Variants in JAK2 observed in about 807,000 individuals in gnomAD.
JAK2 encodes the protein tyrosine-protein kinase JAK2.
JAK2 carries 86 observed loss-of-function variants against 139.3 expected under a neutral mutation model. The observed-to-expected ratio is 0.62, with a 90% CI of 0.52 to 0.74. The LOEUF is 0.74. Ranked by LOEUF, JAK2 falls within the 30% of genes least tolerant of loss-of-function variation. The pLI, the probability that JAK2 is intolerant of heterozygous loss-of-function variation, is 0.00. For synonymous variants in JAK2, 490 were observed against 437.7 expected, an observed-to-expected ratio of 1.12 and a Z score of -1.49; for missense variants, 1,421 against 1,360.3, an observed-to-expected ratio of 1.04 and a Z score of -0.70.
intron 4 of JAK2, among the ~76,000 whole-genome samples, chr9:5,036,911 C>T (rs1360412675): frequency 1.3e-5 from 2 of 152,178 alleles, no homozygotes; most frequent in Non-Finnish European, 2.9e-5. Flanking sequence ...AAACTACCAT[C>T]AGAGTGAACA....
rs1586770688 is a variant in JAK2, at chr9:5,089,883, C to CTATT, written c.2761+22_2761+25dup. 7.0e-7 allele frequency: 1 copy of CTATT among 1,428,746 alleles called. No individual in the cohort carries two copies. 88.5% of individuals were successfully genotyped at this position (1,428,746 alleles called of 1,614,324 possible). The stretch of plus-strand genomic sequence containing the variant: ...GTGCTGGTAAGCTGCCCATTGAAAC[C>CTATT]TATTTTAAATTCAAGGTATGTGTTT... On this transcript the variant is annotated intron_variant, in intron 20 of 24. Transcript: ENST00000381652.
chr9:5,112,185 C>T (rs1822643190), intron 22 of JAK2: 1 of 270,394 alleles, frequency 3.7e-6, no homozygotes, highest in Non-Finnish European at 7.5e-6. Flanking sequence ...GGGCGCTGGC[C>T]TTGGGCTTCG....
chr9:5,054,980 T>C lies in JAK2; in HGVS notation c.936+96T>C. 2 of 846,076 alleles carry C rather than the reference T, an allele frequency of 2.4e-6. No homozygotes were observed. Among genetic ancestry groups the C allele is most frequent in the Non-Finnish European group, 1.8e-6 (1 of 559,488 alleles). 52.4% of individuals were successfully genotyped at this position (846,076 alleles called of 1,614,324 possible). On this transcript the variant is annotated intron_variant, in intron 7 of 24. Coordinates refer to ENST00000381652, the MANE Select transcript of JAK2 (RefSeq NM_004972.4). This position sits in a 1 kb window ranked among gnomAD's most constrained non-coding sequence, Gnocchi z 4.9. ...AATCATTTGCAACATGGTATTGCACTTCTCCCATTTGATAGAAGTGGAAGT... is the reference window on the plus strand; with the variant it reads ...AATCATTTGCAACATGGTATTGCACCTCTCCCATTTGATAGAAGTGGAAGT...
intron 6 of JAK2, among the ~76,000 whole-genome samples, chr9:5,052,514 TC>T (rs1817488281): frequency 6.6e-6 from 1 of 152,114 alleles, no homozygotes; most frequent in African/African-American, 2.4e-5. Flanking sequence ...ATCATAAATC[TC>T]ACCCATTTAA....
In JAK2 at chr9:5,113,525, G is replaced by A. The variant is rs145475793; in HGVS notation, c.3060-9479G>A. 5.7e-3 allele frequency: 866 copies of A among 153,024 alleles called. 13 individuals are homozygous for A. The highest frequency in any genetic ancestry group is 0.02 in the African/African-American group (827 of 41,000). The allele number at this position is 153,024 out of a possible 1,614,324, so 9.5% of individuals were successfully genotyped here. A position where few individuals can be genotyped will look rare whatever the true frequency, so the allele number is the denominator to read the frequency against. ...AGAGGGTGACTCCCCTGGTGGGCTG[G>A]TCTCAGCTGATCTTGACTGTCCCGC... is the stretch of plus-strand genomic sequence containing the variant. On this transcript the variant is annotated intron_variant, in intron 22 of 24. Coordinates refer to ENST00000381652, the MANE Select transcript of JAK2 (RefSeq NM_004972.4).
At chr9:5,109,348 A>G (rs1346521525) in intron 22 of JAK2, 1 of 152,156 alleles carries the variant, frequency 6.6e-6, no homozygotes, top group Non-Finnish European at 1.5e-5. Context: ...AGAAGCCTGC[A>G]ACTTCTTATC....
At chr9:5,001,158 T>C (rs1222730323) in intron 2 of JAK2, among the ~76,000 whole-genome samples, 1 of 152,186 alleles carries the variant, frequency 6.6e-6, no homozygotes, top group Non-Finnish European at 1.5e-5. Flanking sequence ...AAAAGTTTTA[T>C]TTCTTTCATT....
At chr9:4,994,021 G>T (rs886653406) in intron 2 of JAK2, among the ~76,000 whole-genome samples, 1 of 152,210 alleles carries the variant, frequency 6.6e-6, no homozygotes, top group Non-Finnish European at 1.5e-5. Context: ...TGTGCCTTGA[G>T]TTGCTAGGAT....
At chr9:5,112,008 T>C (rs968054697) in intron 22 of JAK2, 7 of 387,200 alleles carry the variant, frequency 1.8e-5, no homozygotes, top group Non-Finnish European at 3.6e-5. Flanking sequence ...GACGTCGCAC[T>C]AGCCTGGAGC....
chr9:5,117,940 T>A (rs1294326315), intron 22 of JAK2, among the ~76,000 whole-genome samples: 1 of 152,226 alleles, frequency 6.6e-6, no homozygotes, highest in Non-Finnish European at 1.5e-5. Flanking sequence ...ACTAAAAGAA[T>A]TTAGAAAAAC....
chr9:5,046,370 C>G (rs1022783242), intron 5 of JAK2, among the ~76,000 whole-genome samples: 1 of 152,134 alleles, frequency 6.6e-6, no homozygotes, highest in East Asian at 1.9e-4. Flanking sequence ...CCTTTTCATT[C>G]TGTTGCTTGT....
chr9:5,077,060 T>C (rs895925195), intron 14 of JAK2, among the ~76,000 whole-genome samples: 3 of 151,950 alleles, frequency 2.0e-5, no homozygotes, highest in East Asian at 1.9e-4. Flanking sequence ...CTATAGACAA[T>C]TGTTAGTAAT....
chr9:5,106,022 A>G (rs182204189), intron 22 of JAK2, among the ~76,000 whole-genome samples: 98 of 152,326 alleles, frequency 6.4e-4, no homozygotes, highest in Admixed American at 1.4e-3. Context: ...TCATGATGAA[A>G]ACGCCAGAAA....
At chr9:5,102,153 G>C (rs1821547315) in intron 22 of JAK2, among the ~76,000 whole-genome samples, 1 of 152,122 alleles carries the variant, frequency 6.6e-6, no homozygotes, top group Non-Finnish European at 1.5e-5. Flanking sequence ...AAAAAGATTA[G>C]ACCAATGGCT....
At chr9:5,091,362 G>A (rs1820556826) in intron 22 of JAK2, 1 of 152,764 alleles carries the variant, frequency 6.5e-6, no homozygotes, top group African/African-American at 2.4e-5. Flanking sequence ...ATATTTGAGG[G>A]GCCTTATTAT....
intron 22 of JAK2, among the ~76,000 whole-genome samples, chr9:5,113,162 C>G (rs12375781): frequency 7.3e-6 from 1 of 137,830 alleles, no homozygotes; most frequent in Non-Finnish European, 1.5e-5. Flanking sequence ...GAAACTGCAT[C>G]TTGGCCCTGT....
At chr9:5,112,083 G>T in intron 22 of JAK2, 1 of 381,208 alleles carries the variant, frequency 2.6e-6, no homozygotes. Flanking sequence ...GAGTAAGATA[G>T]AAGACCACCT....
At chr9:5,103,747 C>T (rs915052736) in intron 22 of JAK2, among the ~76,000 whole-genome samples, 1 of 152,096 alleles carries the variant, frequency 6.6e-6, no homozygotes, top group Non-Finnish European at 1.5e-5. Flanking sequence ...CAAATTAGAA[C>T]TCAGGACTAA....
At position 5,062,500 on chromosome 9, in the gene JAK2, T is replaced by TAAAAA. The variant is rs58424625; in HGVS notation, c.1057-2356_1057-2352dup. Among the ~76,000 whole-genome samples, 41 of 58,232 alleles carry TAAAAA rather than the reference T, an allele frequency of 7.0e-4. 4 individuals are homozygous for TAAAAA. Among genetic ancestry groups the TAAAAA allele is most frequent in the African/African-American group, 3.4e-3 (33 of 9,588 alleles). The allele number at this position is 58,232 out of a possible 152,430, so 38.2% of individuals were successfully genotyped here. ...AAGTTTGTCAGAAACCTTCCATTTG[T>TAAAAA]AAAAAAAAAAAAAAAAAAAAAAAAA... On this transcript the variant is annotated intron_variant, in intron 8 of 24. Transcript: ENST00000381652.
Sources: gnomAD v4.1 joint callset for allele counts (sites outside exome capture counted in the v4.1 genomes callset) on GRCh38, gnomAD v4.1.1 for gene constraint, Gnocchi (gnomAD v3.1) non-coding constraint, MANE v1.5 for transcripts, NCBI Gene and HGNC (gene_info 2026-07-23, HGNC 2026-07-21) for gene names.